PTPRK: variants seen among roughly 807,000 people sequenced by gnomAD.
PTPRK encodes protein tyrosine phosphatase receptor type K, also known as receptor-type tyrosine-protein phosphatase kappa.
In PTPRK, 75 loss-of-function variants were observed where a neutral mutation model predicts 178.0. The observed-to-expected ratio is 0.42, with a 90% CI of 0.35 to 0.51. PTPRK has a LOEUF of 0.51. Among genes scored for constraint, PTPRK ranks in the 20% least tolerant of loss-of-function variants. The probability of loss-of-function intolerance (pLI) is 0.02; values close to 1 mark genes in which losing one functional copy is unlikely to be tolerated. For synonymous variants in PTPRK, 637 were observed against 620.6 expected, an observed-to-expected ratio of 1.03 and a Z score of -0.39; for missense variants, 1,441 against 1,797.8, an observed-to-expected ratio of 0.80 and a Z score of 3.59.
chr6:128,100,379 T>C (rs1788589741), intron 7 of PTPRK, among the ~76,000 whole-genome samples: 1 of 151,978 alleles, frequency 6.6e-6, no homozygotes, highest in Non-Finnish European at 1.5e-5. Flanking sequence ...AGGAAATAAC[T>C]TAGGGACTAT....
intron 8 of PTPRK, chr6:128,085,021 G>A (rs1785502678): frequency 6.6e-6 from 1 of 152,062 alleles, no homozygotes; most frequent in African/African-American, 2.4e-5. Flanking sequence ...TTGTGGCTAG[G>A]AGCATCAAGA....
Position 127,998,428 on chromosome 6 carries a change from G to A in PTPRK, c.2679+292C>T, listed in dbSNP as rs189081055. Among the ~76,000 whole-genome samples, 6 of 152,078 alleles carry A rather than the reference G, an allele frequency of 3.9e-5. No individual in the cohort carries two copies. The East Asian group carries it at 1.2e-3, about 30-fold the overall frequency. ...TGTATTGCTACTTGATTTTTGCATG[G>A]GGAGATACGCAAAGTGTTTTTTTTT... On this transcript the variant is annotated intron_variant, in intron 16 of 29. Transcript: ENST00000368226.
In PTPRK at chr6:128,307,490, A is replaced by G. The variant is rs529751959; in HGVS notation, c.495+14549T>C. On this transcript the variant is annotated intron_variant, in intron 3 of 29. Coordinates refer to ENST00000368226, the MANE Select transcript of PTPRK (RefSeq NM_002844.4). ...AAAAAAAAAAATCAAAAAAAAATCA[A>G]TATTAAAATTAAGGCTTTTTGTCCA... Among the ~76,000 whole-genome samples the G allele has an allele frequency of 2.2e-4, 34 of 151,470 alleles. No individual in the cohort carries two copies. The South Asian group carries it at 6.9e-3, about 31-fold the overall frequency.
chr6:128,440,446 G>A (rs184670831), intron 1 of PTPRK, among the ~76,000 whole-genome samples: 2 of 152,266 alleles, frequency 1.3e-5, no homozygotes, highest in East Asian at 1.9e-4. Flanking sequence ...TCATGCTAAA[G>A]TATGATTTTT....
intron 2 of PTPRK, chr6:128,340,755 CTTCT>C (rs1831552315): frequency 4.3e-6 from 2 of 462,002 alleles, no homozygotes; most frequent in Non-Finnish European, 4.2e-6. Context: ...CAAATAGGTA[CTTCT>C]TTGTTTTATA....
chr6:128,392,857 C>T (rs1255695833), intron 2 of PTPRK, among the ~76,000 whole-genome samples: 1 of 152,036 alleles, frequency 6.6e-6, no homozygotes, highest in Non-Finnish European at 1.5e-5. Context: ...AAGGTCAAAT[C>T]TTAATAATTA....
At chr6:128,364,037 G>A (rs1291503167) in intron 2 of PTPRK, among the ~76,000 whole-genome samples, 2 of 152,008 alleles carry the variant, frequency 1.3e-5, no homozygotes, top group Non-Finnish European at 2.9e-5. Context: ...AACTATAAGA[G>A]TTAGTAATTA....
At chr6:128,051,637 T>C (rs1395413783) in intron 13 of PTPRK, among the ~76,000 whole-genome samples, 1 of 152,172 alleles carries the variant, frequency 6.6e-6, no homozygotes. Flanking sequence ...TTGCTTCTAT[T>C]CTAGCTTCTC....
At chr6:128,309,401 C>G (rs971659690) in intron 3 of PTPRK, among the ~76,000 whole-genome samples, 1 of 152,044 alleles carries the variant, frequency 6.6e-6, no homozygotes, top group Non-Finnish European at 1.5e-5. Flanking sequence ...GCCTAGAGTC[C>G]AGGAGTAATC....
intron 11 of PTPRK, among the ~76,000 whole-genome samples, chr6:128,069,830 C>G (rs1782508621): frequency 6.6e-6 from 1 of 152,024 alleles, no homozygotes; most frequent in South Asian, 2.1e-4. Context: ...GACAGCTTGT[C>G]TATCTAGATC....
chr6:128,019,191 T>C (rs1773066478), intron 13 of PTPRK, among the ~76,000 whole-genome samples: 1 of 152,202 alleles, frequency 6.6e-6, no homozygotes, highest in South Asian at 2.1e-4. Flanking sequence ...GAGAGGAAAG[T>C]GGCTTTTTAA....
At chr6:128,030,934 A>T (rs1775221033) in intron 13 of PTPRK, among the ~76,000 whole-genome samples, 1 of 152,192 alleles carries the variant, frequency 6.6e-6, no homozygotes, top group Non-Finnish European at 1.5e-5. Context: ...TCCCCAGCAA[A>T]TATTTATTAG....
intron 2 of PTPRK, among the ~76,000 whole-genome samples, chr6:128,388,221 C>T (rs1283502678): frequency 1.3e-5 from 2 of 152,110 alleles, no homozygotes; most frequent in African/African-American, 4.8e-5. Context: ...ACTTATAAGA[C>T]ATAAGGAGGA....
chr6:128,513,885 A>T (rs1168233308), intron 1 of PTPRK, among the ~76,000 whole-genome samples: 1 of 152,164 alleles, frequency 6.6e-6, no homozygotes, highest in Non-Finnish European at 1.5e-5. Context: ...CTGGGTGGGT[A>T]GTGAGGACCC....
intron 2 of PTPRK, among the ~76,000 whole-genome samples, chr6:128,322,978 G>C (rs952780529): frequency 6.6e-6 from 1 of 152,036 alleles, no homozygotes; most frequent in African/African-American, 2.4e-5. Flanking sequence ...TCCCCACTTG[G>C]AGTCTCACCC....
intron 2 of PTPRK, among the ~76,000 whole-genome samples, chr6:128,344,534 T>C (rs1038463035): frequency 1.3e-5 from 2 of 150,032 alleles, no homozygotes; most frequent in Non-Finnish European, 3.0e-5. Context: ...CTCCTCGTGA[T>C]TTTTTTTTTA....
At chr6:128,292,286 G>T (rs1823508485) in intron 3 of PTPRK, among the ~76,000 whole-genome samples, 1 of 151,906 alleles carries the variant, frequency 6.6e-6, no homozygotes, top group African/African-American at 2.4e-5. Flanking sequence ...ATTTCTCATG[G>T]AAATTATGCC....
intron 13 of PTPRK, among the ~76,000 whole-genome samples, chr6:128,041,261 T>C (rs1166606638): frequency 6.6e-6 from 1 of 152,080 alleles, no homozygotes; most frequent in Admixed American, 6.6e-5. Flanking sequence ...TCACACATAG[T>C]GGTCACCATT....
At chr6:128,092,717 TCTA>T (rs1038201186) in intron 7 of PTPRK, among the ~76,000 whole-genome samples, 1 of 152,196 alleles carries the variant, frequency 6.6e-6, no homozygotes, top group African/African-American at 2.4e-5. Flanking sequence ...TTGAGATGGT[TCTA>T]CTACTATAAA....
Sources: allele counts gnomAD v4.1 joint callset (sites outside exome capture counted in the v4.1 genomes callset), GRCh38; gene constraint gnomAD v4.1.1; transcripts MANE v1.5; gene names NCBI Gene and HGNC (gene_info 2026-07-23, HGNC 2026-07-21).